ABLIM2: variants seen among roughly 807,000 people sequenced by gnomAD.
ABLIM2 encodes the protein actin-binding LIM protein 2.
A neutral mutation model predicts 97.7 loss-of-function variants in ABLIM2; 53 were observed. The ratio of observed to expected loss-of-function variants is 0.54; its 90% CI spans 0.44 to 0.68. The LOEUF (loss-of-function observed/expected upper bound fraction) is 0.68, where lower values mean the gene tolerates loss of function less well. Among genes scored for constraint, ABLIM2 ranks in the 30% least tolerant of loss-of-function variants. The pLI is 0.00. For synonymous variants in ABLIM2, 361 were observed against 345.8 expected, an observed-to-expected ratio of 1.04 and a Z score of -0.49; for missense variants, 835 against 867.2, an observed-to-expected ratio of 0.96 and a Z score of 0.47.
At chr4:8,079,079 G>A (rs527381083) in intron 5 of ABLIM2, among the ~76,000 whole-genome samples, 36 of 152,366 alleles carry the variant, frequency 2.4e-4, no homozygotes, top group Admixed American at 3.3e-4. Context: ...ATGAGCCCCG[G>A]GCCTGGGTGC....
intron 3 of ABLIM2, among the ~76,000 whole-genome samples, chr4:8,091,819 ATATAT>A (rs1438394589): frequency 5.8e-5 from 4 of 68,644 alleles, no homozygotes; most frequent in African/African-American, 1.2e-4. Flanking sequence ...ATATTATATA[ATATAT>A]TATATAAATA....
chr4:7,993,027 G>A, intron 16 of ABLIM2, 100 bp from the exon 17 acceptor site: 1 of 1,278,358 alleles, frequency 7.8e-7, no homozygotes, highest in Non-Finnish European at 1.1e-6. Flanking sequence ...GCAAGGCTGG[G>A]CAAGCAACAC....
chr4:8,097,128 G>T lies in ABLIM2; in HGVS notation c.309C>A (p.His103Gln). ...AGACGGCACACACGAAGCAGTCGGGGTGGTAGGTCTTGCCCAGCGCCGACA... is the reference window on the plus strand; with the variant it reads ...AGACGGCACACACGAAGCAGTCGGGTTGGTAGGTCTTGCCCAGCGCCGACA... ...EVVSALGKTY[H>Q]PDCFVCAVCR... The change falls in exon 3 of 21, where the codon CAC (histidine) becomes CAA (glutamine). Residue 103 changes from histidine (H) to glutamine (Q), a missense_variant. His to Gln is a conservative substitution (Grantham distance 24). Transcript: ENST00000447017. The T allele has an allele frequency of 3.7e-6, 6 of 1,611,524 alleles. No individual in the cohort carries two copies. The highest frequency in any genetic ancestry group is 5.1e-6 in the Non-Finnish European group (6 of 1,179,040).
At chr4:8,053,686 G>A (rs1013983667) in intron 8 of ABLIM2, among the ~76,000 whole-genome samples, 1 of 152,186 alleles carries the variant, frequency 6.6e-6, no homozygotes, top group Non-Finnish European at 1.5e-5. Context: ...GAAACTTGGT[G>A]TCCTTTGTGA....
At chr4:8,157,587 CG>C (rs988988313) in intron 1 of ABLIM2, among the ~76,000 whole-genome samples, 1 of 152,228 alleles carries the variant, frequency 6.6e-6, no homozygotes, top group Admixed American at 6.5e-5. Flanking sequence ...CCTTAGCCCC[CG>C]CCCCCTTCTA....
At chr4:8,089,236 G>T (rs576605709) in intron 3 of ABLIM2, among the ~76,000 whole-genome samples, 1 of 152,276 alleles carries the variant, frequency 6.6e-6, no homozygotes, top group East Asian at 1.9e-4. Flanking sequence ...TCAAGTAGCT[G>T]CATCTAGCAA....
chr4:8,135,363 C>A (rs918104274), intron 1 of ABLIM2, among the ~76,000 whole-genome samples: 2 of 152,212 alleles, frequency 1.3e-5, no homozygotes, highest in African/African-American at 4.8e-5. Context: ...ATTGCTATGT[C>A]TGAATGCCTG....
In ABLIM2 at chr4:8,046,845, C is replaced by T. The variant is rs1792783173; in HGVS notation, c.823-1604G>A. 6.6e-6 allele frequency among the ~76,000 whole-genome samples: 1 copy of T among 152,180 alleles called. No homozygotes were observed. ...GCAGGGATCAGGACACAGACACACA[C>T]AGGGAGTCCATGTGGAGGCACAGGG... On this transcript the variant is annotated intron_variant, in intron 8 of 20. Coordinates refer to ENST00000447017, the MANE Select transcript of ABLIM2 (RefSeq NM_001130083.2). The surrounding 1 kb of genome is among the most constrained non-coding windows in gnomAD (Gnocchi z 4.4).
At chr4:8,081,387 T>C (rs534410309) in intron 4 of ABLIM2, among the ~76,000 whole-genome samples, 4 of 152,182 alleles carry the variant, frequency 2.6e-5, no homozygotes, top group African/African-American at 4.8e-5. Flanking sequence ...TGCTCACTTG[T>C]CCTGTGTCCC....
chr4:8,114,504 T>G (rs1841936454), intron 1 of ABLIM2, among the ~76,000 whole-genome samples: 2 of 152,152 alleles, frequency 1.3e-5, no homozygotes, highest in Admixed American at 6.5e-5. Flanking sequence ...GGTCCAGGCC[T>G]CCCTACTGCC....
intron 3 of ABLIM2, among the ~76,000 whole-genome samples, chr4:8,090,576 C>A (rs1826631795): frequency 6.6e-6 from 1 of 152,192 alleles, no homozygotes; most frequent in South Asian, 2.1e-4. Flanking sequence ...ATTCTTTCCA[C>A]TGCAAAAAGC....
At chr4:8,109,781 T>G (rs2152779626) in intron 1 of ABLIM2, among the ~76,000 whole-genome samples, 1 of 152,064 alleles carries the variant, frequency 6.6e-6, no homozygotes, top group East Asian at 1.9e-4. Context: ...GAAAAATAAC[T>G]CAGCATCACC....
At chr4:8,105,540 G>A (rs1836932306) in intron 2 of ABLIM2, among the ~76,000 whole-genome samples, 1 of 152,192 alleles carries the variant, frequency 6.6e-6, no homozygotes, top group South Asian at 2.1e-4. Context: ...TCGGCTTGTG[G>A]CACATTTCCT....
chr4:8,148,229 C>G lies in ABLIM2; in HGVS notation c.10+10451G>C, dbSNP rs1293134600. ...GAAGCTCTCCTGTGGGGGCCCTGGG[C>G]CAGGCAGGTTCTGAAGGGCCCAGTG... On this transcript the variant is annotated intron_variant, in intron 1 of 20. Coordinates refer to ENST00000447017, the MANE Select transcript of ABLIM2 (RefSeq NM_001130083.2). This position sits in a 1 kb window ranked among gnomAD's most constrained non-coding sequence, Gnocchi z 6.7. Among the ~76,000 whole-genome samples the G allele has an allele frequency of 2.0e-5, 3 of 152,288 alleles. No individual in the cohort carries two copies. In the East Asian group the frequency reaches 5.8e-4, roughly 29 times the overall value.
chr4:8,142,452 C>A (rs528558923), intron 1 of ABLIM2, among the ~76,000 whole-genome samples: 1 of 152,274 alleles, frequency 6.6e-6, no homozygotes, highest in Admixed American at 6.5e-5. Context: ...TCCTGGTCAC[C>A]CGGCTTCCCC....
intron 8 of ABLIM2, among the ~76,000 whole-genome samples, chr4:8,051,407 A>G (rs1309109040): frequency 6.6e-6 from 1 of 151,906 alleles, no homozygotes; most frequent in East Asian, 1.9e-4. Context: ...AAATACAAAA[A>G]TTAGCTGGAC....
At position 8,122,197 on chromosome 4, in the gene ABLIM2, C is replaced by T. The variant is rs1259396122; in HGVS notation, c.11-15560G>A. ...CAGCCTTGACCTGGAGACACCACAC[C>T]AGCCTGGATGGGGAGTCTCGCTGCC... On this transcript the variant is annotated intron_variant, in intron 1 of 20. Transcript: ENST00000447017. The surrounding 1 kb of genome is among the most constrained non-coding windows in gnomAD (Gnocchi z 4.1). Among the ~76,000 whole-genome samples the T allele has an allele frequency of 6.6e-6, 1 of 152,176 alleles. No individual in the cohort carries two copies. The highest frequency in any genetic ancestry group is 6.5e-5 in the Admixed American group (1 of 15,278).
rs1398489305 is a variant in ABLIM2, at chr4:7,996,500, T to C, written c.1619-3573A>G. Among the ~76,000 whole-genome samples the C allele has an allele frequency of 2.0e-5, 3 of 152,196 alleles. No individual in the cohort carries two copies. The highest frequency in any genetic ancestry group is 2.9e-5 in the Non-Finnish European group (2 of 68,028). ...GCGAAGGCCATTTTATCCTCCCCACTTTGACTATGATAGTCTCAGGGACGT... is the reference window on the plus strand; with the variant it reads ...GCGAAGGCCATTTTATCCTCCCCACCTTGACTATGATAGTCTCAGGGACGT... On this transcript the variant is annotated intron_variant, in intron 16 of 20. Coordinates refer to ENST00000447017, the MANE Select transcript of ABLIM2 (RefSeq NM_001130083.2). This position sits in a 1 kb window ranked among gnomAD's most constrained non-coding sequence, Gnocchi z 4.5.
At position 8,036,142 on chromosome 4, in the gene ABLIM2, T is replaced by A. The variant is rs753103754; in HGVS notation, c.1047+7A>T. The stretch of plus-strand genomic sequence containing the variant: ...GGTGTCCAGGGCCATGTGGGCAGGG[T>A]CCATACCTCGCCGTAGCTCTGCCTG... On this transcript the variant is annotated splice_region_variant and intron_variant, in intron 10 of 20. Transcript: ENST00000447017. The A allele has an allele frequency of 2.5e-6, 4 of 1,613,384 alleles. No homozygotes were observed. Among genetic ancestry groups the A allele is most frequent in the Middle Eastern group, 1.6e-4 (1 of 6,078 alleles).
Sources: allele counts gnomAD v4.1 joint callset (sites outside exome capture counted in the v4.1 genomes callset), GRCh38; gene constraint gnomAD v4.1.1; non-coding constraint Gnocchi (gnomAD v3.1); transcripts MANE v1.5; gene names NCBI Gene and HGNC (gene_info 2026-07-23, HGNC 2026-07-21).